The following CCDC60 variants were observed in gnomAD, a reference collection of about 807,000 sequenced individuals.
The protein encoded by CCDC60 is coiled-coil domain-containing protein 60.
Under a neutral mutation model 63.5 loss-of-function variants are expected in CCDC60, and 54 were observed. The observed-to-expected ratio is 0.85, with a 90% confidence interval of 0.68 to 1.07. CCDC60 has a LOEUF of 1.07. Ranked by LOEUF, CCDC60 falls within the 50% of genes least tolerant of loss-of-function variation. The probability of loss-of-function intolerance (pLI) is 0.00; values close to 1 mark genes in which losing one functional copy is unlikely to be tolerated. For missense variants in CCDC60, 651 were observed against 684.3 expected (o/e 0.95, Z 0.54); for synonymous variants, 206 against 238.8 (o/e 0.86, Z 1.27).
rs1238128438 is a variant in CCDC60 at position 119,443,555 on chromosome 12, G to A, written c.170+14793G>A. Among the ~76,000 whole-genome samples the A allele has an allele frequency of 1.3e-5, 2 of 152,096 alleles. 1 individual carries two copies. The highest frequency in any genetic ancestry group is 4.8e-5 in the African/African-American group (2 of 41,390). ...CACTTTTCCAACCCGCAACCTACAA[G>A]AGTTCAAAGTCATGATAATAATAAT... is the stretch of plus-strand genomic sequence containing the variant. On this transcript the variant is annotated intron_variant, in intron 2 of 13. Coordinates refer to ENST00000327554, the MANE Select transcript of CCDC60 (RefSeq NM_178499.5).
chr12:119,453,935 A>C (rs1950680254), intron 2 of CCDC60, among the ~76,000 whole-genome samples: 4 of 152,216 alleles, frequency 2.6e-5, no homozygotes, highest in Admixed American at 2.0e-4. Flanking sequence ...AAAAATAAGA[A>C]GAAAAAAATG....
At chr12:119,461,048 C>G (rs1053125081) in intron 2 of CCDC60, among the ~76,000 whole-genome samples, 2 of 152,158 alleles carry the variant, frequency 1.3e-5, no homozygotes, top group East Asian at 3.9e-4. Flanking sequence ...TGGAATCAAC[C>G]CTACTGTCTT....
chr12:119,510,697 C>G (rs534502722), intron 7 of CCDC60, among the ~76,000 whole-genome samples: 1 of 152,150 alleles, frequency 6.6e-6, no homozygotes, highest in South Asian at 2.1e-4. Context: ...CCTACTTCCC[C>G]CACTTTCTTC....
chr12:119,488,938 T>C, intron 5 of CCDC60, 72 bp downstream of exon 5: 1 of 1,230,252 alleles, frequency 8.1e-7, no homozygotes, highest in Middle Eastern at 2.0e-4. Context: ...TCCTGTATGT[T>C]CTTCCACTCC....
At chr12:119,339,921 T>G (rs1014805460) in intron 1 of CCDC60, among the ~76,000 whole-genome samples, 1 of 152,186 alleles carries the variant, frequency 6.6e-6, no homozygotes, top group African/African-American at 2.4e-5. Flanking sequence ...AAGAGTAGAT[T>G]CTTCGGCAAA....
chr12:119,524,721 C>CTTTTTT lies in CCDC60; in HGVS notation c.1229+917_1229+922dup, dbSNP rs55694840. Among the ~76,000 whole-genome samples, 115 of 99,006 alleles carry CTTTTTT rather than the reference C, an allele frequency of 1.2e-3. 5 individuals are homozygous for CTTTTTT. The East Asian group carries it at 0.025, about 21-fold the overall frequency. The allele number at this position is 99,006 out of a possible 152,430, so 65.0% of individuals were successfully genotyped here. On this transcript the variant is annotated intron_variant, in intron 11 of 13. Transcript: ENST00000327554. ...ACAGCAGTTTCTTTTCTTTTCTTTT[C>CTTTTTT]TTTTTTTTTTTTTTTTTTTGAGACA... is the stretch of plus-strand genomic sequence containing the variant.
intron 1 of CCDC60, among the ~76,000 whole-genome samples, chr12:119,414,761 A>G (rs970362029): frequency 2.6e-5 from 4 of 152,100 alleles, no homozygotes; most frequent in African/African-American, 9.7e-5. Flanking sequence ...TATGTTGCCC[A>G]GGCTGGTCTC....
At chr12:119,510,682 G>A (rs1303969066) in intron 7 of CCDC60, among the ~76,000 whole-genome samples, 1 of 152,102 alleles carries the variant, frequency 6.6e-6, no homozygotes, top group Non-Finnish European at 1.5e-5. Context: ...TAGATCATCA[G>A]GAATCCTACT....
chr12:119,399,875 C>T (rs1346310904), intron 1 of CCDC60, among the ~76,000 whole-genome samples: 1 of 152,070 alleles, frequency 6.6e-6, no homozygotes, highest in African/African-American at 2.4e-5. Flanking sequence ...TAAAACATAC[C>T]CCTACACACC....
chr12:119,469,813 C>A (rs1397551297), intron 2 of CCDC60, among the ~76,000 whole-genome samples: 1 of 152,188 alleles, frequency 6.6e-6, no homozygotes, highest in Non-Finnish European at 1.5e-5. Context: ...ATGGGCCTTT[C>A]AGAATTAGTG....
rs186464559 is a variant in CCDC60, at chr12:119,463,605, T to C, written c.171-8389T>C. On this transcript the variant is annotated intron_variant, in intron 2 of 13. Coordinates refer to ENST00000327554, the MANE Select transcript of CCDC60 (RefSeq NM_178499.5). Reference sequence around the variant, plus strand: ...AGATCAGGAGAGTGAGGCACAAAACTGCTGGTAAGAAGCACTAAGGTCTAC... The same window carrying C: ...AGATCAGGAGAGTGAGGCACAAAACCGCTGGTAAGAAGCACTAAGGTCTAC... Among the ~76,000 whole-genome samples the C allele has an allele frequency of 2.8e-3, 428 of 152,342 alleles. 2 individuals carry two copies. Among genetic ancestry groups the C allele is most frequent in the African/African-American group, 9.9e-3 (412 of 41,572 alleles).
chr12:119,531,058 A>T lies in CCDC60; in HGVS notation c.1546A>T (p.Ile516Phe). 4 of 1,613,530 alleles carry T rather than the reference A, an allele frequency of 2.5e-6. No individual in the cohort carries two copies. Among genetic ancestry groups the T allele is most frequent in the Non-Finnish European group, 3.4e-6 (4 of 1,179,712 alleles). Residue 516 changes from isoleucine (I) to phenylalanine (F), a missense_variant, in exon 13 of 14, where the codon ATT (isoleucine) becomes TTT (phenylalanine). Physicochemically the swap from Ile to Phe is conservative, Grantham distance 21. Transcript: ENST00000327554. ...GTGCTCCCCTGACATCGCTGTGGCTATTGAGGTAAACACCACCTCCTTCCC... is the reference window on the plus strand; with the variant it reads ...GTGCTCCCCTGACATCGCTGTGGCTTTTGAGGTAAACACCACCTCCTTCCC... ...ELCSPDIAVA[I>F]EFVREHIIHM...
chr12:119,489,823 G>C (rs1951542356), intron 5 of CCDC60, among the ~76,000 whole-genome samples: 1 of 150,566 alleles, frequency 6.6e-6, no homozygotes, highest in Non-Finnish European at 1.5e-5. Flanking sequence ...TTTTTAGACA[G>C]AGTCTTGCTC....
chr12:119,353,598 C>CTTCT (rs1955683032), intron 1 of CCDC60, among the ~76,000 whole-genome samples: 2 of 68,204 alleles, frequency 2.9e-5, no homozygotes, highest in African/African-American at 1.1e-4. Context: ...TCTTCTTCTT[C>CTTCT]TTTTTTTTTT....
chr12:119,370,956 C>A (rs905793500), intron 1 of CCDC60, among the ~76,000 whole-genome samples: 5 of 152,250 alleles, frequency 3.3e-5, no homozygotes, highest in Non-Finnish European at 7.4e-5. Context: ...CCTTTGAGCC[C>A]AGGAGGTTGA....
intron 2 of CCDC60, among the ~76,000 whole-genome samples, chr12:119,447,145 G>C (rs1282939634): frequency 6.6e-6 from 1 of 152,156 alleles, no homozygotes; most frequent in African/African-American, 2.4e-5. Context: ...CATCTGCTGG[G>C]ATCCCTCTGA....
intron 7 of CCDC60, 75 bp from the exon 8 acceptor site, chr12:119,516,548 G>T: frequency 2.0e-6 from 2 of 995,968 alleles, no homozygotes; most frequent in South Asian, 2.9e-5. Flanking sequence ...CAGTTTGGGG[G>T]GCTGCACCCT....
chr12:119,381,982 C>T (rs1956012156), intron 1 of CCDC60, among the ~76,000 whole-genome samples: 1 of 152,334 alleles, frequency 6.6e-6, no homozygotes, highest in South Asian at 2.1e-4. Flanking sequence ...TCTTTGCAGG[C>T]ATCTGACACC....
chr12:119,488,717 T>A (rs769493433), intron 4 of CCDC60, 42 bp from the exon 5 acceptor site: 1 of 1,562,780 alleles, frequency 6.4e-7, no homozygotes, highest in Non-Finnish European at 8.8e-7. Flanking sequence ...AGAAAGTTGT[T>A]CTAACAGGAT....
Sources: allele counts gnomAD v4.1 joint callset (sites outside exome capture counted in the v4.1 genomes callset), GRCh38; gene constraint gnomAD v4.1.1; transcripts MANE v1.5; gene names NCBI Gene and HGNC (gene_info 2026-07-23, HGNC 2026-07-21).